DNAH2: variants seen among roughly 807,000 people sequenced by gnomAD.
The protein encoded by DNAH2 is dynein axonemal heavy chain 2, also known as axonemal beta dynein heavy chain 2.
Under a neutral mutation model 523.5 loss-of-function variants are expected in DNAH2, and 323 were observed. That is an observed-to-expected ratio of 0.62 (90% CI 0.56 to 0.68). The LOEUF is 0.68. DNAH2 is among the 30% of genes least tolerant of loss of function. The pLI is 0.00. For missense variants in DNAH2, 4,907 were observed against 5,701.5 expected, an observed-to-expected ratio of 0.86 and a Z score of 4.49; for synonymous variants, 2,093 against 2,177.4, an observed-to-expected ratio of 0.96 and a Z score of 1.08.
intron 4 of DNAH2, among the ~76,000 whole-genome samples, chr17:7,731,362 T>C (rs577079379): frequency 1.3e-5 from 2 of 152,068 alleles, no homozygotes; most frequent in African/African-American, 4.8e-5. Context: ...CTTACCACCA[T>C]AGAAAGGGAT....
intron 2 of DNAH2, among the ~76,000 whole-genome samples, chr17:7,722,599 C>T (rs942746958): frequency 6.6e-6 from 1 of 152,128 alleles, no homozygotes; most frequent in Admixed American, 6.5e-5. Context: ...CATCTATTTT[C>T]TGTCTTTATG....
At chr17:7,784,717 T>A (rs887221065) in intron 39 of DNAH2, among the ~76,000 whole-genome samples, 1 of 152,168 alleles carries the variant, frequency 6.6e-6, no homozygotes, top group Admixed American at 6.6e-5. Flanking sequence ...CAGTGATAAC[T>A]CTACTGCTAT....
In DNAH2 at chr17:7,827,248, A is replaced by G. The variant is rs189374133; in HGVS notation, c.11853+2521A>G. Among the ~76,000 whole-genome samples, 51 of 151,956 alleles carry G rather than the reference A, an allele frequency of 3.4e-4. 1 individual carries two copies. Among genetic ancestry groups the G allele is most frequent in the Middle Eastern group, 3.4e-3 (1 of 294 alleles). On this transcript the variant is annotated intron_variant, in intron 77 of 85. Transcript: ENST00000572933. ...GAAATTCTTAATTTTTATGAGGTTG[A>G]ATTTAGCTATCTTTCCTTTTTTAAA... is the stretch of plus-strand genomic sequence containing the variant.
At position 7,798,096 on chromosome 17, in the gene DNAH2, C is replaced by T; in HGVS notation, c.8231-61C>T. 6.6e-7 allele frequency: 1 copy of T among 1,524,814 alleles called. No homozygotes were observed. The highest frequency in any genetic ancestry group is 8.8e-7 in the Non-Finnish European group (1 of 1,135,832). 94.5% of individuals were successfully genotyped at this position (1,524,814 alleles called of 1,614,324 possible). ...AGGGGCCCCAATCCCTAGCCTAGGG[C>T]CTGGAGGTCCCCTGAGTTTGCTCAG... On this transcript the variant is annotated intron_variant, in intron 53 of 85. Coordinates refer to ENST00000572933, the MANE Select transcript of DNAH2 (RefSeq NM_020877.5). The surrounding 1 kb of genome is among the most constrained non-coding windows in gnomAD (Gnocchi z 5.5).
Position 7,805,346 on chromosome 17 carries a change from TTC to T in DNAH2, c.9397_9398del (p.Leu3133SerfsTer27), listed in dbSNP as rs746814277. ...GAGATAGTGATGCAGGCAGTTATGATTCTTCGAGGCAACGAGCCCACATGGGC... is the reference window on the plus strand; with the variant it reads ...GAGATAGTGATGCAGGCAGTTATGATTTCGAGGCAACGAGCCCACATGGGC... On this transcript the variant is annotated frameshift_variant, in exon 61 of 86. Coordinates refer to ENST00000572933, the MANE Select transcript of DNAH2 (RefSeq NM_020877.5). LOFTEE classifies it high-confidence loss of function. 15 of 1,614,118 alleles carry T rather than the reference TTC, an allele frequency of 9.3e-6. No individual in the cohort carries two copies. The highest frequency in any genetic ancestry group is 5.9e-6 in the Non-Finnish European group (7 of 1,180,054).
rs1223047083 is a variant in DNAH2, at chr17:7,788,264, C to T, written c.6900+20C>T. On this transcript the variant is annotated intron_variant, in intron 44 of 85. Transcript: ENST00000572933. ...AATGGGGTAAGGGGAGGACACAGAC[C>T]ACGGGCAGGGGCAGGGGGTGCTCAC... is the stretch of plus-strand genomic sequence containing the variant. 1.3e-6 allele frequency: 2 copies of T among 1,551,258 alleles called. No individual in the cohort carries two copies. The highest frequency in any genetic ancestry group is 1.4e-5 in the African/African-American group (1 of 73,510).
At chr17:7,736,619 G>T (rs910969673) in intron 7 of DNAH2, among the ~76,000 whole-genome samples, 30 of 152,212 alleles carry the variant, frequency 2.0e-4, no homozygotes, top group Non-Finnish European at 8.8e-5. Context: ...TGAAATGATC[G>T]CTACTGTGTA....
chr17:7,752,161 A>ACACACACT (rs1491211271), intron 12 of DNAH2, among the ~76,000 whole-genome samples: 154 of 1,322 alleles, frequency 0.12, 2 homozygotes, highest in Middle Eastern at 0.5. Flanking sequence ...AAGTCATTTT[A>ACACACACT]CACACACACA....
At chr17:7,791,250 TAGTAG>T (rs1472516770) in intron 44 of DNAH2, among the ~76,000 whole-genome samples, 1 of 151,816 alleles carries the variant, frequency 6.6e-6, no homozygotes, top group East Asian at 1.9e-4. Context: ...TTTGTATTTT[TAGTAG>T]AGATGGGGTT....
chr17:7,740,347 G>A (rs1487317206), intron 9 of DNAH2, 73 bp from the exon 10 acceptor site: 5 of 1,592,914 alleles, frequency 3.1e-6, no homozygotes, highest in East Asian at 2.2e-5. Flanking sequence ...CAATGCATGG[G>A]ATTCTTCCTC....
chr17:7,786,894 C>CA lies in DNAH2; in HGVS notation c.6467-2dup. On this transcript the variant is annotated splice_polypyrimidine_tract_variant and splice_region_variant and intron_variant, in intron 41 of 85. Coordinates refer to ENST00000572933, the MANE Select transcript of DNAH2 (RefSeq NM_020877.5). The surrounding 1 kb of genome is among the most constrained non-coding windows in gnomAD (Gnocchi z 7.5). ...GTTTCCTCATCACCCACCATCTACT[C>CA]AGATGAGAAACCCGACGAGAAGTGG... 1.9e-6 allele frequency: 3 copies of CA among 1,614,262 alleles called. No homozygotes were observed. The highest frequency in any genetic ancestry group is 2.5e-6 in the Non-Finnish European group (3 of 1,180,052).
chr17:7,781,533 T>C (rs932864563), intron 39 of DNAH2, among the ~76,000 whole-genome samples: 9 of 152,186 alleles, frequency 5.9e-5, no homozygotes, highest in South Asian at 2.1e-4. Flanking sequence ...TATGTGAATA[T>C]GCATCTGGGA....
intron 24 of DNAH2, among the ~76,000 whole-genome samples, chr17:7,769,232 G>A (rs1390298358): frequency 6.6e-6 from 1 of 152,066 alleles, no homozygotes; most frequent in African/African-American, 2.4e-5. Flanking sequence ...TGTGATCTCG[G>A]CTCACTGTAA....
chr17:7,727,772 A>C (rs2074868822), intron 4 of DNAH2, among the ~76,000 whole-genome samples: 1 of 151,160 alleles, frequency 6.6e-6, no homozygotes, highest in Non-Finnish European at 1.5e-5. Context: ...AAAAAAAAAA[A>C]AAAAAAGAAT....
chr17:7,767,190 C>T (rs990668350), intron 22 of DNAH2, among the ~76,000 whole-genome samples: 6 of 146,208 alleles, frequency 4.1e-5, no homozygotes, highest in East Asian at 4.2e-4. Context: ...TATGATAATA[C>T]GTGGCCTTTT....
rs746468274 is a variant in DNAH2 at position 7,798,154 on chromosome 17, C to G, written c.8231-3C>G. ...ATTACCCTCACACCCACCCCACCCC[C>G]AGTCACACGGATCGTGCGGGTCATT... On this transcript the variant is annotated splice_polypyrimidine_tract_variant and splice_region_variant and intron_variant, in intron 53 of 85. Coordinates refer to ENST00000572933, the MANE Select transcript of DNAH2 (RefSeq NM_020877.5). This position sits in a 1 kb window ranked among gnomAD's most constrained non-coding sequence, Gnocchi z 5.5. 1.3e-6 allele frequency: 2 copies of G among 1,586,250 alleles called. No individual in the cohort carries two copies. Among genetic ancestry groups the G allele is most frequent in the Non-Finnish European group, 1.7e-6 (2 of 1,159,686 alleles).
chr17:7,774,240 C>T (rs1239656092), intron 28 of DNAH2, among the ~76,000 whole-genome samples: 4 of 152,204 alleles, frequency 2.6e-5, no homozygotes, highest in East Asian at 1.9e-4. Flanking sequence ...TCGCAACAGT[C>T]GATCTGATAA....
intron 12 of DNAH2, among the ~76,000 whole-genome samples, chr17:7,749,622 T>C (rs532215640): frequency 6.6e-6 from 1 of 152,192 alleles, no homozygotes; most frequent in Non-Finnish European, 1.5e-5. Context: ...ATTAGGATTG[T>C]TCACTGCTGA....
At position 7,778,260 on chromosome 17, in the gene DNAH2, G is replaced by C. The variant is rs750292319; in HGVS notation, c.5352-20G>C. On this transcript the variant is annotated intron_variant, in intron 34 of 85. Coordinates refer to ENST00000572933, the MANE Select transcript of DNAH2 (RefSeq NM_020877.5). Reference sequence around the variant, plus strand: ...AGAGGCTTCCAGGAGTCTGACTCTAGTTCTGTCCTCAATTCTCAGGTGTTA... The same window carrying C: ...AGAGGCTTCCAGGAGTCTGACTCTACTTCTGTCCTCAATTCTCAGGTGTTA... 1 of 1,614,096 alleles carries C rather than the reference G, an allele frequency of 6.2e-7. No individual in the cohort carries two copies. Among genetic ancestry groups the C allele is most frequent in the Non-Finnish European group, 8.5e-7 (1 of 1,179,966 alleles).
Sources: gnomAD v4.1 joint callset for allele counts (sites outside exome capture counted in the v4.1 genomes callset) on GRCh38, gnomAD v4.1.1 for gene constraint, Gnocchi (gnomAD v3.1) non-coding constraint, MANE v1.5 for transcripts, NCBI Gene and HGNC (gene_info 2026-07-23, HGNC 2026-07-21) for gene names.